Variants in ZER1 observed in about 807,000 individuals in gnomAD.
The protein encoded by ZER1 is protein zer-1 homolog.
ZER1 carries 11 observed loss-of-function variants against 78.8 expected under a neutral mutation model. The observed-to-expected ratio is 0.14, with a 90% CI of 0.09 to 0.23. The LOEUF is 0.23. Among genes scored for constraint, ZER1 ranks in the 10% least tolerant of loss-of-function variants. ZER1 has a pLI of 1.00. For synonymous variants in ZER1, 400 were observed against 407.0 expected, an observed-to-expected ratio of 0.98 and a Z score of 0.21; for missense variants, 588 against 996.9, an observed-to-expected ratio of 0.59 and a Z score of 5.52.
intron 1 of ZER1, among the ~76,000 whole-genome samples, chr9:128,757,484 C>T (rs1014403354): frequency 1.2e-4 from 18 of 151,616 alleles, no homozygotes; most frequent in Admixed American, 3.9e-4. Flanking sequence ...ATTGCACCAC[C>T]GCGCTCTAGC....
rs1263965568 is a variant in ZER1, at chr9:128,754,193, C to T, written c.159-234G>A. Among the ~76,000 whole-genome samples the T allele has an allele frequency of 6.6e-6, 1 of 152,206 alleles. No homozygotes were observed. Among genetic ancestry groups the T allele is most frequent in the Non-Finnish European group, 1.5e-5 (1 of 68,036 alleles). On this transcript the variant is annotated intron_variant, in intron 2 of 15. Coordinates refer to ENST00000291900, the MANE Select transcript of ZER1 (RefSeq NM_006336.4). This position sits in a 1 kb window ranked among gnomAD's most constrained non-coding sequence, Gnocchi z 4.3. ...ACCTTCTAGGTGATGCAGGCGCCATCTCTCCCAGTGCACATGCCTGTCACA... is the reference window on the plus strand; with the variant it reads ...ACCTTCTAGGTGATGCAGGCGCCATTTCTCCCAGTGCACATGCCTGTCACA...
At chr9:128,742,856 G>A (rs1044419715) in intron 8 of ZER1, 111 bp from the exon 9 acceptor site, 21 of 1,145,268 alleles carry the variant, frequency 1.8e-5, no homozygotes, top group East Asian at 1.6e-4. Flanking sequence ...AGTCCAGCCC[G>A]GTTTTCTGGA....
rs1486268831 is a variant in ZER1 at position 128,771,727 on chromosome 9, G to A, written c.-241C>T. ...CAGGCTAGAGCCGGGGTCCAGGGGA[G>A]ACGGGGGTCGGCGGGGCGGAGCTTG... On this transcript the variant is annotated 5_prime_UTR_variant, in exon 1 of 16. Transcript: ENST00000291900. The A allele has an allele frequency of 6.6e-6, 1 of 152,314 alleles. No homozygotes were observed. Among genetic ancestry groups the A allele is most frequent in the Non-Finnish European group, 1.5e-5 (1 of 68,138 alleles). 9.4% of individuals were successfully genotyped at this position (152,314 alleles called of 1,614,324 possible). A position where few individuals can be genotyped will look rare whatever the true frequency, so the allele number is the denominator to read the frequency against.
At chr9:128,736,543 G>A (rs1369997535) in intron 13 of ZER1, among the ~76,000 whole-genome samples, 1 of 150,508 alleles carries the variant, frequency 6.6e-6, no homozygotes, top group East Asian at 2.0e-4. Flanking sequence ...ACAGGTGCAT[G>A]CCACCATGCC....
At chr9:128,738,130 C>T (rs1377718765) in intron 13 of ZER1, among the ~76,000 whole-genome samples, 4 of 149,744 alleles carry the variant, frequency 2.7e-5, no homozygotes, top group Admixed American at 6.7e-5. Context: ...CTGCAAGCTC[C>T]GCCTCCCAGG....
chr9:128,733,364 C>A, intron 15 of ZER1, 62 bp downstream of exon 15: 7 of 1,476,894 alleles, frequency 4.7e-6, no homozygotes, highest in South Asian at 1.2e-5. Flanking sequence ...CAGAGGGCGC[C>A]CGCTATGCCC....
At chr9:128,759,982 C>G (rs947228713) in intron 1 of ZER1, among the ~76,000 whole-genome samples, 10 of 151,978 alleles carry the variant, frequency 6.6e-5, no homozygotes, top group Admixed American at 6.6e-4. Context: ...TGGGCTCAAG[C>G]GATCCTCCCA....
chr9:128,751,600 G>T lies in ZER1; in HGVS notation c.924-73C>A. 1 of 1,312,274 alleles carries T rather than the reference G, an allele frequency of 7.6e-7. No individual in the cohort carries two copies. The highest frequency in any genetic ancestry group is 1.1e-6 in the Non-Finnish European group (1 of 924,600). 81.3% of individuals were successfully genotyped at this position (1,312,274 alleles called of 1,614,324 possible). ...GCTGGGCCTCCCCACTGGGGGTGGT[G>T]AGGCATTTCCTTGCTTTCTCTTCTA... On this transcript the variant is annotated intron_variant, in intron 5 of 15. Transcript: ENST00000291900. The surrounding 1 kb of genome is among the most constrained non-coding windows in gnomAD (Gnocchi z 5.4).
intron 8 of ZER1, among the ~76,000 whole-genome samples, chr9:128,744,887 C>A (rs1026465637): frequency 9.9e-5 from 15 of 152,170 alleles, no homozygotes; most frequent in Non-Finnish European, 1.6e-4. Context: ...CATCATGACA[C>A]CCCAATTTTT....
At chr9:128,758,276 C>G (rs977364120) in intron 1 of ZER1, among the ~76,000 whole-genome samples, 1 of 151,796 alleles carries the variant, frequency 6.6e-6, no homozygotes, top group Non-Finnish European at 1.5e-5. Flanking sequence ...TGCGCCATCA[C>G]GCCGGGCTAA....
At chr9:128,769,414 CTTT>C (rs1017114428) in intron 1 of ZER1, among the ~76,000 whole-genome samples, 2 of 145,528 alleles carry the variant, frequency 1.4e-5, no homozygotes, top group African/African-American at 5.0e-5. Flanking sequence ...TTCTTTCTTT[CTTT>C]TTTTTTTTTT....
rs188542108 is a variant in ZER1, at chr9:128,739,790, C to T, written c.2042+141G>A. 1,490 of 1,012,866 alleles carry T rather than the reference C, an allele frequency of 1.5e-3. 2 individuals carry two copies. The highest frequency in any genetic ancestry group is 1.9e-3 in the Non-Finnish European group (1,288 of 693,672). The allele number at this position is 1,012,866 out of a possible 1,614,324, so 62.7% of individuals were successfully genotyped here. A position where few individuals can be genotyped will look rare whatever the true frequency, so the allele number is the denominator to read the frequency against. ...GTATGCTCTGTGCTGTGTGCGGCTA[C>T]GTATCAATGAGTGAAAGCAGAACCC... On this transcript the variant is annotated intron_variant, in intron 13 of 15. Transcript: ENST00000291900.
At chr9:128,745,655 C>T (rs928176220) in intron 8 of ZER1, among the ~76,000 whole-genome samples, 2 of 151,636 alleles carry the variant, frequency 1.3e-5, no homozygotes, top group Non-Finnish European at 2.9e-5. Flanking sequence ...CCTTGCCTGG[C>T]CTTTTATTTA....
Position 128,741,580 on chromosome 9 carries a change from C to A in ZER1, c.1692G>T (p.Met564Ile), listed in dbSNP as rs1355351728. ...ITDETPDNCE[M>I]FLNFNGMKLF... is the part of the protein sequence containing the mutation. Reference sequence around the variant, plus strand: ...GCTTCATGCCGTTGAAATTGAGGAACATCTCGCAGTTGTCAGGAGTTTCAT... The same window carrying A: ...GCTTCATGCCGTTGAAATTGAGGAAAATCTCGCAGTTGTCAGGAGTTTCAT... Residue 564 changes from methionine (M) to isoleucine (I), a missense_variant, in exon 11 of 16, where the codon ATG (methionine) becomes ATT (isoleucine). By Grantham distance (10) the Met-to-Ile change is conservative. Transcript: ENST00000291900. The A allele has an allele frequency of 6.2e-7, 1 of 1,614,096 alleles. No individual in the cohort carries two copies. The highest frequency in any genetic ancestry group is 8.5e-7 in the Non-Finnish European group (1 of 1,180,032).
At position 128,731,118 on chromosome 9, in the gene ZER1, A is replaced by C. The variant is rs1862800305; in HGVS notation, c.*219T>G. ...TTTTGTTTTTGCACAGAAATCATAC[A>C]CACAAAACTTCACACTTCCTAACCA... On this transcript the variant is annotated 3_prime_UTR_variant, in exon 16 of 16. Coordinates refer to ENST00000291900, the MANE Select transcript of ZER1 (RefSeq NM_006336.4). 4.6e-6 allele frequency: 1 copy of C among 215,066 alleles called. No homozygotes were observed. The highest frequency in any genetic ancestry group is 2.3e-5 in the African/African-American group (1 of 43,046). 13.3% of individuals were successfully genotyped at this position (215,066 alleles called of 1,614,324 possible). A position where few individuals can be genotyped will look rare whatever the true frequency, so the allele number is the denominator to read the frequency against.
chr9:128,731,815 C>G (rs1041947442), intron 15 of ZER1, among the ~76,000 whole-genome samples: 3 of 152,240 alleles, frequency 2.0e-5, no homozygotes, highest in Non-Finnish European at 2.9e-5. Context: ...CATCAGATTC[C>G]CCTAGAGGCC....
intron 10 of ZER1, 63 bp downstream of exon 10, chr9:128,741,737 G>A (rs1863300892): frequency 1.2e-6 from 2 of 1,614,058 alleles, no homozygotes; most frequent in East Asian, 2.2e-5. Context: ...CTCCCCCAGG[G>A]GCAGCCCAGG....
Position 128,742,520 on chromosome 9 carries a change from C to T in ZER1, c.1575+10G>A. The T allele has an allele frequency of 1.9e-6, 3 of 1,613,486 alleles. No homozygotes were observed. The highest frequency in any genetic ancestry group is 2.5e-6 in the Non-Finnish European group (3 of 1,180,022). ...CTCAGGAGGAAGGGGGCAGCGCCCCCCACACGTACCACGACAAAGCCCATC... is the reference window on the plus strand; with the variant it reads ...CTCAGGAGGAAGGGGGCAGCGCCCCTCACACGTACCACGACAAAGCCCATC... On this transcript the variant is annotated intron_variant, in intron 9 of 15. Transcript: ENST00000291900.
In ZER1 at chr9:128,753,415, C is replaced by T; in HGVS notation, c.495G>A (p.Leu165=). The part of the protein sequence containing the change: ...EYLVNPTCQV[L]VKDFTFEGFS... ...AGCCCTCGAAGGTGAAATCCTTAAC[C>T]AGCACCTGGCAGGTGGGGTTGACGA... The change falls in exon 4 of 16, where the codon CTG becomes CTA. Residue 165 remains leucine, a synonymous_variant. Coordinates refer to ENST00000291900, the MANE Select transcript of ZER1 (RefSeq NM_006336.4). This position sits in a 1 kb window ranked among gnomAD's most constrained non-coding sequence, Gnocchi z 7.5. 1 of 1,614,160 alleles carries T rather than the reference C, an allele frequency of 6.2e-7. No homozygotes were observed. The highest frequency in any genetic ancestry group is 8.5e-7 in the Non-Finnish European group (1 of 1,180,012).
Sources: gnomAD v4.1 joint callset for allele counts (sites outside exome capture counted in the v4.1 genomes callset) on GRCh38, gnomAD v4.1.1 for gene constraint, Gnocchi (gnomAD v3.1) non-coding constraint, MANE v1.5 for transcripts, NCBI Gene and HGNC (gene_info 2026-07-23, HGNC 2026-07-21) for gene names.